RPTOR: variants seen among roughly 807,000 people sequenced by gnomAD.
RPTOR encodes the protein regulatory-associated protein of mTOR.
RPTOR carries 21 observed loss-of-function variants against 169.9 expected under a neutral mutation model. The ratio of observed to expected loss-of-function variants is 0.12; its 90% confidence interval spans 0.09 to 0.18. RPTOR has a LOEUF of 0.18. RPTOR is among the 10% of genes least tolerant of loss of function. RPTOR has a pLI of 1.00. For synonymous variants in RPTOR, 732 were observed against 753.2 expected, an observed-to-expected ratio of 0.97 and a Z score of 0.46; for missense variants, 1,133 against 1,855.9, an observed-to-expected ratio of 0.61 and a Z score of 7.16.
chr17:80,547,938 C>G (rs2084296777), intron 1 of RPTOR, among the ~76,000 whole-genome samples: 1 of 152,056 alleles, frequency 6.6e-6, no homozygotes, highest in Admixed American at 6.6e-5. Context: ...GGCCAGGCCT[C>G]TCTCTTTGTC....
At chr17:80,701,035 C>T (rs1458680666) in intron 3 of RPTOR, among the ~76,000 whole-genome samples, 1 of 152,038 alleles carries the variant, frequency 6.6e-6, no homozygotes, top group Non-Finnish European at 1.5e-5. Flanking sequence ...TTTCTGTTGT[C>T]CAGCTGGGTG....
intron 9 of RPTOR, among the ~76,000 whole-genome samples, chr17:80,831,223 G>A (rs111840432): frequency 7.7e-4 from 117 of 152,282 alleles, no homozygotes; most frequent in African/African-American, 2.7e-3. Context: ...GTTTCAGAAA[G>A]GCATGTACTT....
intron 5 of RPTOR, among the ~76,000 whole-genome samples, chr17:80,743,982 G>C (rs147456234): frequency 4.2e-5 from 1 of 24,036 alleles, no homozygotes; most frequent in African/African-American, 1.7e-4. Context: ...TACTAGCACT[G>C]TCCTGGTTAT....
At position 80,756,548 on chromosome 17, in the gene RPTOR, C is replaced by T. The variant is rs2143346713; in HGVS notation, c.830+2363C>T. ...TGGAGTGAGATGGTGGAATAGAAGC[C>T]TCCACCAGTCTTCCTGCAGCAAGGA... On this transcript the variant is annotated intron_variant, in intron 6 of 33. Transcript: ENST00000306801. 3.3e-5 allele frequency among the ~76,000 whole-genome samples: 5 copies of T among 152,286 alleles called. No individual in the cohort carries two copies. The South Asian group carries it at 1.0e-3, about 32-fold the overall frequency.
chr17:80,842,698 T>A (rs994198546), intron 10 of RPTOR, among the ~76,000 whole-genome samples: 1 of 152,256 alleles, frequency 6.6e-6, no homozygotes, highest in African/African-American at 2.4e-5. Flanking sequence ...CGGCTTTTGG[T>A]ATCCTGTTTT....
At chr17:80,796,155 T>A (rs948319335) in intron 7 of RPTOR, among the ~76,000 whole-genome samples, 1 of 152,208 alleles carries the variant, frequency 6.6e-6, no homozygotes, top group East Asian at 1.9e-4. Context: ...TGCCTGAGAC[T>A]GGGTGTATTA....
chr17:80,796,932 G>GATCTTTGCTCCAA (rs1398740289), intron 7 of RPTOR, among the ~76,000 whole-genome samples: 1 of 152,194 alleles, frequency 6.6e-6, no homozygotes, highest in East Asian at 1.9e-4. Context: ...GAGAAATCCA[G>GATCTTTGCTCCAA]ATCTTTGCTC....
rs181921650 is a variant in RPTOR at position 80,678,777 on chromosome 17, C to G, written c.349-29064C>G. ...GAGCGGCGCCCTGGGATTGCAGTAT[C>G]GTGGTGTTGAGTCACTTGCGATCTT... On this transcript the variant is annotated intron_variant, in intron 3 of 33. Transcript: ENST00000306801. Among the ~76,000 whole-genome samples, 3 of 152,220 alleles carry G rather than the reference C, an allele frequency of 2.0e-5. No individual in the cohort carries two copies. In the East Asian group the frequency reaches 5.8e-4, roughly 29 times the overall value.
chr17:80,842,943 G>A (rs745336028), intron 10 of RPTOR, among the ~76,000 whole-genome samples: 6 of 152,078 alleles, frequency 3.9e-5, no homozygotes, highest in African/African-American at 7.2e-5. Flanking sequence ...CTGTTCCCTC[G>A]TTTGTCCCTT....
At chr17:80,874,879 C>T (rs544378717) in intron 13 of RPTOR, among the ~76,000 whole-genome samples, 5 of 152,200 alleles carry the variant, frequency 3.3e-5, no homozygotes, top group African/African-American at 4.8e-5. Flanking sequence ...CCCAGCACCC[C>T]GCTCATAACA....
chr17:80,725,608 G>A (rs1353538057), intron 4 of RPTOR, among the ~76,000 whole-genome samples: 1 of 152,176 alleles, frequency 6.6e-6, no homozygotes, highest in Non-Finnish European at 1.5e-5. Flanking sequence ...CTCTACTGTG[G>A]GCGTTGTTTC....
intron 3 of RPTOR, among the ~76,000 whole-genome samples, chr17:80,648,325 T>A (rs2065612720): frequency 6.6e-6 from 1 of 152,090 alleles, no homozygotes; most frequent in Non-Finnish European, 1.5e-5. Context: ...GTCTTTTGGA[T>A]TTTAGGCACA....
At chr17:80,880,687 A>G (rs2248843) in intron 14 of RPTOR, among the ~76,000 whole-genome samples, 198 bp downstream of exon 14, 84,617 of 152,090 alleles carry the variant, frequency 0.56, 24,380 homozygotes, top group African/African-American at 0.7. Context: ...CGCAGCTGTT[A>G]TTTCGTGTCT....
intron 7 of RPTOR, among the ~76,000 whole-genome samples, chr17:80,806,053 T>C (rs1339657263): frequency 6.6e-6 from 1 of 152,144 alleles, no homozygotes; most frequent in East Asian, 1.9e-4. Context: ...ATATGAACCA[T>C]GTGATTTAGA....
chr17:80,701,022 G>C (rs897286448), intron 3 of RPTOR, among the ~76,000 whole-genome samples: 2 of 152,090 alleles, frequency 1.3e-5, no homozygotes, highest in Non-Finnish European at 2.9e-5. Flanking sequence ...GGTGATTCTT[G>C]GGTTTCTGTT....
At chr17:80,666,078 C>G (rs774360667) in intron 3 of RPTOR, among the ~76,000 whole-genome samples, 65 of 152,170 alleles carry the variant, frequency 4.3e-4, no homozygotes, top group Non-Finnish European at 6.9e-4. Context: ...GTGACTGTCC[C>G]TCAAAGAGCT....
In RPTOR at chr17:80,605,853, G is replaced by A. The variant is rs572366540; in HGVS notation, c.163-19838G>A. Among the ~76,000 whole-genome samples, 3 of 152,286 alleles carry A rather than the reference G, an allele frequency of 2.0e-5. No individual in the cohort carries two copies. In the South Asian group the frequency reaches 6.2e-4, roughly 32 times the overall value. On this transcript the variant is annotated intron_variant, in intron 1 of 33. Transcript: ENST00000306801. The stretch of plus-strand genomic sequence containing the variant: ...GGAGCTCTGAGTCAGACGGAGGGTG[G>A]ATTTGCTCTTTGGGCACTGGTGTAG...
rs115440364 is a variant in RPTOR, at chr17:80,847,740, G to A, written c.1314+1166G>A. ...GCCTTCCTAGAAAGCAGATCGGGTGGTGGTACCTCCATGGAGAGGGGCGTG... is the reference window on the plus strand; with the variant it reads ...GCCTTCCTAGAAAGCAGATCGGGTGATGGTACCTCCATGGAGAGGGGCGTG... On this transcript the variant is annotated intron_variant, in intron 11 of 33. Coordinates refer to ENST00000306801, the MANE Select transcript of RPTOR (RefSeq NM_020761.3). Among the ~76,000 whole-genome samples, 744 of 152,332 alleles carry A rather than the reference G, an allele frequency of 4.9e-3. 4 individuals carry two copies. Among genetic ancestry groups the A allele is most frequent in the African/African-American group, 0.017 (711 of 41,584 alleles).
chr17:80,824,051 G>A (rs960786763), intron 9 of RPTOR, among the ~76,000 whole-genome samples: 4 of 152,174 alleles, frequency 2.6e-5, no homozygotes, highest in African/African-American at 4.8e-5. Flanking sequence ...TTTTAAACGT[G>A]TACAGGACCA....
Sources: gnomAD v4.1 joint callset for allele counts (sites outside exome capture counted in the v4.1 genomes callset) on GRCh38, gnomAD v4.1.1 for gene constraint, MANE v1.5 for transcripts, NCBI Gene and HGNC (gene_info 2026-07-23, HGNC 2026-07-21) for gene names.